BMPR1A: variants seen among roughly 807,000 people sequenced by gnomAD.
BMPR1A encodes the protein bone morphogenetic protein receptor type-1A.
Under a neutral mutation model 66.0 loss-of-function variants are expected in BMPR1A, and 7 were observed. That is an observed-to-expected ratio of 0.11 (90% CI 0.06 to 0.20). BMPR1A has a LOEUF of 0.20. BMPR1A is among the 10% of genes least tolerant of loss of function. The pLI is 1.00. For synonymous variants in BMPR1A, 200 were observed against 229.7 expected (o/e 0.87, Z 1.17); for missense variants, 408 against 669.1 (o/e 0.61, Z 4.31).
rs74851254 is a variant in BMPR1A at position 86,773,144 on chromosome 10, T to C, written c.-268+16225T>C. Among the ~76,000 whole-genome samples the C allele has an allele frequency of 8.6e-5, 13 of 151,270 alleles. No homozygotes were observed. The South Asian group carries it at 1.1e-3, about 12-fold the overall frequency. On this transcript the variant is annotated intron_variant, in intron 1 of 12. Coordinates refer to ENST00000372037, the MANE Select transcript of BMPR1A (RefSeq NM_004329.3). ...TCTAGTTATCTTTTTTTTTTTTTTT[T>C]CCTGAATGTTCTTCCTTTCCTTCTC...
intron 1 of BMPR1A, among the ~76,000 whole-genome samples, chr10:86,809,049 A>G (rs1841930231): frequency 6.6e-6 from 1 of 152,152 alleles, no homozygotes. Flanking sequence ...ATCTTCTTTT[A>G]TTATGAGTCG....
intron 1 of BMPR1A, among the ~76,000 whole-genome samples, chr10:86,790,162 CAAAAAAAAAAAAA>C (rs1170317792): frequency 7.3e-3 from 52 of 7,172 alleles, no homozygotes; most frequent in East Asian, 0.043. Flanking sequence ...ACTCTGTCTC[CAAAAAAAAAAAAA>C]AAAAAAAAAA....
At chr10:86,821,068 T>A (rs1022722016) in intron 1 of BMPR1A, among the ~76,000 whole-genome samples, 2 of 152,204 alleles carry the variant, frequency 1.3e-5, no homozygotes, top group African/African-American at 4.8e-5. Context: ...ATCACATGGT[T>A]ATTTTGTGAT....
chr10:86,795,418 T>TG (rs1841693769), intron 1 of BMPR1A, among the ~76,000 whole-genome samples: 2 of 38,746 alleles, frequency 5.2e-5, no homozygotes, highest in South Asian at 8.8e-4. Flanking sequence ...AGTGATTTGT[T>TG]TTTTTTTTTT....
intron 7 of BMPR1A, among the ~76,000 whole-genome samples, chr10:86,905,255 C>T (rs917288822): frequency 1.4e-4 from 21 of 152,310 alleles, no homozygotes; most frequent in South Asian, 8.3e-4. Flanking sequence ...CCACTGTGGA[C>T]GAGGCATCAT....
chr10:86,862,574 T>C (rs1010152884), intron 2 of BMPR1A, among the ~76,000 whole-genome samples: 1 of 152,148 alleles, frequency 6.6e-6, no homozygotes, highest in African/African-American at 2.4e-5. Context: ...GGAGGCCAGT[T>C]AGGAGGTGCC....
chr10:86,923,226 C>A (rs767798877), intron 11 of BMPR1A, 150 bp from the exon 12 acceptor site: 1 of 953,990 alleles, frequency 1.0e-6, no homozygotes, highest in Admixed American at 2.6e-5. Context: ...GAAAAACATA[C>A]ATCTACTATT....
At chr10:86,901,358 G>C (rs1453079215) in intron 7 of BMPR1A, among the ~76,000 whole-genome samples, 1 of 152,182 alleles carries the variant, frequency 6.6e-6, no homozygotes, top group Non-Finnish European at 1.5e-5. Flanking sequence ...ACACAGTATT[G>C]GATAATCCAG....
At chr10:86,900,546 G>T (rs964761864) in intron 7 of BMPR1A, among the ~76,000 whole-genome samples, 1 of 151,520 alleles carries the variant, frequency 6.6e-6, no homozygotes, top group African/African-American at 2.4e-5. Context: ...AGTCCCTAAT[G>T]GATATAAACT....
chr10:86,809,850 G>A (rs1057390137), intron 1 of BMPR1A, among the ~76,000 whole-genome samples: 9 of 152,030 alleles, frequency 5.9e-5, no homozygotes, highest in East Asian at 1.9e-4. Context: ...TTGCCTGTTC[G>A]AGGTGCCTCA....
chr10:86,874,939 G>T (rs1842901615), intron 2 of BMPR1A, among the ~76,000 whole-genome samples: 1 of 149,556 alleles, frequency 6.7e-6, no homozygotes. Flanking sequence ...TGGCCAGGCT[G>T]GTCTTGAACT....
At position 86,890,111 on chromosome 10, in the gene BMPR1A, C is replaced by T. The variant is rs757333646; in HGVS notation, c.117C>T (p.Ser39=). ...MLHGTGMKSD[S]DQKKSENGVT... is the part of the protein sequence containing the mutation. ...ATGGCACTGGGATGAAATCAGACTC[C>T]GACCAGAAAAAGTCAGAAAATGGAG... Residue 39 remains serine, a synonymous_variant, in exon 4 of 13, where the codon TCC becomes TCT. Transcript: ENST00000372037. 47 of 1,613,722 alleles carry T rather than the reference C, an allele frequency of 2.9e-5. 1 individual carries two copies. Among genetic ancestry groups the T allele is most frequent in the Middle Eastern group, 1.7e-4 (1 of 5,902 alleles).
At chr10:86,786,630 A>G (rs1841522164) in intron 1 of BMPR1A, among the ~76,000 whole-genome samples, 1 of 152,106 alleles carries the variant, frequency 6.6e-6, no homozygotes, top group South Asian at 2.1e-4. Context: ...AACTATGCTC[A>G]TTTCCTTGTT....
intron 9 of BMPR1A, 126 bp downstream of exon 9, chr10:86,917,452 TA>T: frequency 1.8e-6 from 2 of 1,131,680 alleles, no homozygotes; most frequent in Non-Finnish European, 1.3e-6. Flanking sequence ...GGAAACCTAG[TA>T]GAATACACGG....
intron 1 of BMPR1A, among the ~76,000 whole-genome samples, chr10:86,800,556 T>G (rs920433111): frequency 6.6e-6 from 1 of 152,128 alleles, no homozygotes; most frequent in Non-Finnish European, 1.5e-5. Flanking sequence ...CATGCCCAGC[T>G]AATTTTTGTA....
At chr10:86,855,044 C>G (rs1842621222) in intron 2 of BMPR1A, 1 of 214,148 alleles carries the variant, frequency 4.7e-6, no homozygotes, top group Admixed American at 5.9e-5. Flanking sequence ...TCAAGCAGTT[C>G]TCCTCAGCCT....
chr10:86,755,889 C>T (rs1464038868), upstream of BMPR1A: 1 of 152,136 alleles, frequency 6.6e-6, no homozygotes, highest in Non-Finnish European at 1.5e-5. Flanking sequence ...CAGATCCTCC[C>T]GGCCGGGGAG....
intron 1 of BMPR1A, among the ~76,000 whole-genome samples, chr10:86,773,711 G>A (rs373554311): frequency 1.2e-4 from 18 of 152,068 alleles, no homozygotes; most frequent in Middle Eastern, 6.9e-3. Context: ...CATCTGCTAG[G>A]CAGCTGTGCG....
chr10:86,917,819 C>T (rs915496515), intron 9 of BMPR1A, among the ~76,000 whole-genome samples: 2 of 152,334 alleles, frequency 1.3e-5, no homozygotes, highest in East Asian at 1.9e-4. Context: ...TTTCCCTTCA[C>T]CTCTTGTTTT....
Sources: allele counts gnomAD v4.1 joint callset (sites outside exome capture counted in the v4.1 genomes callset), GRCh38; gene constraint gnomAD v4.1.1; transcripts MANE v1.5; gene names NCBI Gene and HGNC (gene_info 2026-07-23, HGNC 2026-07-21).